Variants in PRRC2C observed in about 807,000 individuals in gnomAD.
PRRC2C encodes protein PRRC2C.
Under a neutral mutation model 317.2 loss-of-function variants are expected in PRRC2C, and 72 were observed. That is an observed-to-expected ratio of 0.23 (90% confidence interval 0.19 to 0.28). PRRC2C has a LOEUF of 0.28. Ranked by LOEUF, PRRC2C falls within the 10% of genes least tolerant of loss-of-function variation. The pLI, the probability that PRRC2C is intolerant of heterozygous loss-of-function variation, is 1.00. For missense variants in PRRC2C, 3,074 were observed against 3,459.7 expected (o/e 0.89, Z 2.80); for synonymous variants, 1,296 against 1,205.9 (o/e 1.07, Z -1.55).
Position 171,522,225 on chromosome 1 carries a change from A to G in PRRC2C, c.799A>G (p.Met267Val), listed in dbSNP as rs757029907. The G allele has an allele frequency of 5.0e-6, 8 of 1,599,422 alleles. No individual in the cohort carries two copies. The highest frequency in any genetic ancestry group is 4.4e-5 in the South Asian group (4 of 90,164). The change falls in exon 7 of 35, where the codon ATG becomes GTG. Residue 267 changes from methionine (M) to valine (V), a missense_variant. Transcript: ENST00000647382. ...RMTYPPLHGP[M>V]RFPPSLSETN... ...GACATATCCTCCTCTACATGGTCCC[A>G]TGAGATTCCCACCTTCTTTATCTGA...
At chr1:171,580,753 T>C (rs1414484488) in intron 28 of PRRC2C, among the ~76,000 whole-genome samples, 2 of 152,176 alleles carry the variant, frequency 1.3e-5, no homozygotes, top group Non-Finnish European at 2.9e-5. Flanking sequence ...AGTCAGATAG[T>C]AGGAGCAGTG....
At chr1:171,538,689 T>G (rs991238022) in intron 15 of PRRC2C, among the ~76,000 whole-genome samples, 17 of 152,330 alleles carry the variant, frequency 1.1e-4, no homozygotes, top group Admixed American at 6.5e-4. Context: ...CCTTAAGGAA[T>G]AAACTTCATT....
chr1:171,571,554 G>T, intron 24 of PRRC2C, 133 bp downstream of exon 24: 1 of 665,484 alleles, frequency 1.5e-6, no homozygotes. Context: ...ATAGAGTGCT[G>T]TCAAATTATA....
intron 25 of PRRC2C, 102 bp downstream of exon 25, chr1:171,575,230 T>C (rs752033567): frequency 8.6e-7 from 1 of 1,168,462 alleles, no homozygotes; most frequent in Non-Finnish European, 1.2e-6. Flanking sequence ...AATAGTAATA[T>C]TCAATCTTCC....
chr1:171,588,046 C>T (rs1650451357), intron 32 of PRRC2C, among the ~76,000 whole-genome samples: 1 of 151,974 alleles, frequency 6.6e-6, no homozygotes, highest in South Asian at 2.1e-4. Flanking sequence ...GATTATAGCT[C>T]ACTGCAACCT....
Position 171,497,839 on chromosome 1 carries a change from A to G in PRRC2C, c.-58+12104A>G, listed in dbSNP as rs572696560. Among the ~76,000 whole-genome samples the G allele has an allele frequency of 2.0e-5, 3 of 150,198 alleles. No individual in the cohort carries two copies. In the East Asian group the frequency reaches 6.1e-4, roughly 30 times the overall value. ...TTTGGTGGGGCAGTGGGGGGATACA[A>G]GGTCTCCTTTTGTCCCCCAGGCTGG... is the stretch of plus-strand genomic sequence containing the variant. On this transcript the variant is annotated intron_variant, in intron 1 of 34. Coordinates refer to ENST00000647382, the MANE Select transcript of PRRC2C (RefSeq NM_001387844.1).
intron 1 of PRRC2C, among the ~76,000 whole-genome samples, chr1:171,495,345 G>C (rs1667921112): frequency 6.6e-6 from 1 of 152,232 alleles, no homozygotes; most frequent in South Asian, 2.1e-4. Context: ...ATTCTGCCTA[G>C]CATTCTAAGA....
At chr1:171,494,781 C>A (rs913463457) in intron 1 of PRRC2C, among the ~76,000 whole-genome samples, 1 of 152,074 alleles carries the variant, frequency 6.6e-6, no homozygotes, top group African/African-American at 2.4e-5. Flanking sequence ...CACCCTGCCC[C>A]CCTCCCTCAA....
At chr1:171,589,885 C>A (rs550349946) in intron 34 of PRRC2C, among the ~76,000 whole-genome samples, 1 of 149,434 alleles carries the variant, frequency 6.7e-6, no homozygotes, top group South Asian at 2.1e-4. Flanking sequence ...GAATTGTTAT[C>A]AAATAAATAT....
intron 30 of PRRC2C, among the ~76,000 whole-genome samples, chr1:171,585,426 A>C (rs980648791): frequency 1.3e-4 from 15 of 119,604 alleles, no homozygotes; most frequent in Middle Eastern, 4.1e-3. Context: ...TTATTCTTTA[A>C]AAGTGGTGGA....
chr1:171,591,883 C>T lies in PRRC2C; in HGVS notation c.*36C>T, dbSNP rs368283348. ...TTATTGCAGGGGATTGGGAGGGGGG[C>T]GGGAAAACATGGAGAATTAAGTCAG... is the stretch of plus-strand genomic sequence containing the variant. On this transcript the variant is annotated 3_prime_UTR_variant, in exon 35 of 35. Coordinates refer to ENST00000647382, the MANE Select transcript of PRRC2C (RefSeq NM_001387844.1). 8.1e-5 allele frequency: 91 copies of T among 1,126,350 alleles called. 1 individual carries two copies. In the South Asian group the frequency reaches 1.4e-3, roughly 18 times the overall value. 69.8% of individuals were successfully genotyped at this position (1,126,350 alleles called of 1,614,324 possible).
At chr1:171,579,112 C>T (rs1020386703) in intron 26 of PRRC2C, among the ~76,000 whole-genome samples, 5 of 151,906 alleles carry the variant, frequency 3.3e-5, no homozygotes, top group Non-Finnish European at 7.4e-5. Flanking sequence ...ACCCCATTGG[C>T]GGTATATAAA....
In PRRC2C at chr1:171,524,840, G is replaced by A; in HGVS notation, c.1075G>A (p.Ala359Thr). 1 of 1,574,522 alleles carries A rather than the reference G, an allele frequency of 6.4e-7. No individual in the cohort carries two copies. The highest frequency in any genetic ancestry group is 1.2e-5 in the South Asian group (1 of 85,622). Residue 359 changes from alanine (A) to threonine (T), a missense_variant, in exon 10 of 35, where the codon GCC (alanine) becomes ACC (threonine). Around this residue, in one of 11 missense-constraint regions of PRRC2C, gnomAD observed 1,320 missense variants for 1,395.7 expected, o/e 0.95. Coordinates refer to ENST00000647382, the MANE Select transcript of PRRC2C (RefSeq NM_001387844.1). ...TTTCAGTGAGGATCAAGGTTCAAAA[G>A]CCTCTGAAAACAACGAAAACAAAAA... The part of the protein sequence containing the change: ...ENNSEDQGSK[A>T]SENNENKKET...
intron 1 of PRRC2C, among the ~76,000 whole-genome samples, chr1:171,502,277 C>A (rs893387632): frequency 6.6e-6 from 1 of 152,192 alleles, no homozygotes; most frequent in African/African-American, 2.4e-5. Context: ...AGTTTAGAGA[C>A]ACTTGGGGAA....
At chr1:171,530,243 C>CTTTT (rs778215422) in intron 11 of PRRC2C, among the ~76,000 whole-genome samples, 38 of 63,332 alleles carry the variant, frequency 6.0e-4, no homozygotes, top group African/African-American at 9.3e-4. Flanking sequence ...TGTAGCTGGG[C>CTTTT]TTTTTTTTTT....
chr1:171,559,015 A>G (rs963584935), intron 19 of PRRC2C, among the ~76,000 whole-genome samples: 1 of 152,240 alleles, frequency 6.6e-6, no homozygotes, highest in Non-Finnish European at 1.5e-5. Context: ...CCCAAAGCCT[A>G]ATCCAAAGCA....
chr1:171,554,390 C>T (rs940744082), intron 18 of PRRC2C, among the ~76,000 whole-genome samples: 2 of 152,180 alleles, frequency 1.3e-5, no homozygotes, highest in Admixed American at 6.5e-5. Context: ...CTCCTGAATA[C>T]AGCACATTGA....
intron 18 of PRRC2C, among the ~76,000 whole-genome samples, chr1:171,552,233 G>A (rs1385190564): frequency 1.3e-5 from 2 of 152,120 alleles, no homozygotes; most frequent in African/African-American, 4.8e-5. Flanking sequence ...AATTGTGAAT[G>A]GGAGTTCACT....
chr1:171,577,651 G>A lies in PRRC2C; in HGVS notation c.7159+14G>A, dbSNP rs764505511. On this transcript the variant is annotated intron_variant, in intron 26 of 34. Transcript: ENST00000647382. ...AGTCTGCAGCAGGTAATGTTTTTAG[G>A]CTTGAATATAAGGAATTTAGAAAAT... 3 of 1,602,532 alleles carry A rather than the reference G, an allele frequency of 1.9e-6. No homozygotes were observed. Among genetic ancestry groups the A allele is most frequent in the Non-Finnish European group, 2.6e-6 (3 of 1,169,964 alleles).
Sources: allele counts gnomAD v4.1 joint callset (sites outside exome capture counted in the v4.1 genomes callset), GRCh38; gene constraint gnomAD v4.1.1; regional missense constraint gnomAD v4.1.1; transcripts MANE v1.5; gene names NCBI Gene and HGNC (gene_info 2026-07-23, HGNC 2026-07-21).